TRDN: variants seen among roughly 807,000 people sequenced by gnomAD.
TRDN encodes triadin, also known as triadin in skeletal muscle.
TRDN carries 161 observed loss-of-function variants against 149.7 expected under a neutral mutation model. The ratio of observed to expected loss-of-function variants is 1.08; its 90% confidence interval spans 0.95 to 1.23. The LOEUF is 1.23. TRDN is among the 50% of genes most tolerant of loss of function. The pLI is 0.00. For synonymous variants in TRDN, 294 were observed against 250.5 expected, an observed-to-expected ratio of 1.17 and a Z score of -1.64; for missense variants, 896 against 823.5, an observed-to-expected ratio of 1.09 and a Z score of -1.08.
chr6:123,293,283 C>T (rs765771811), intron 24 of TRDN, among the ~76,000 whole-genome samples: 12 of 152,202 alleles, frequency 7.9e-5, no homozygotes, highest in Non-Finnish European at 1.3e-4. Context: ...CCCCACTTAA[C>T]GGATTATACC....
chr6:123,463,880 T>C (rs771399964), intron 10 of TRDN, among the ~76,000 whole-genome samples: 16 of 152,012 alleles, frequency 1.1e-4, no homozygotes, highest in Admixed American at 1.3e-4. Flanking sequence ...ATGAGTGTCA[T>C]CACTTAGGCT....
In TRDN at chr6:123,548,515, T is replaced by C; in HGVS notation, c.330A>G (p.Leu110=). The change falls in exon 3 of 41, where the codon TTA becomes TTG. Residue 110 remains leucine, a synonymous_variant. Coordinates refer to ENST00000334268, the MANE Select transcript of TRDN (RefSeq NM_006073.4). ...CATCTTCAGATGAGATGATGTCAGA[T>C]AACAAAGAAAAGAAGCCATAGATCC... ...TDWIYGFFSL[L]SDIISSEDEE... is the part of the protein sequence containing the mutation. The C allele has an allele frequency of 6.3e-7, 1 of 1,578,500 alleles. No homozygotes were observed. Among genetic ancestry groups the C allele is most frequent in the Middle Eastern group, 1.7e-4 (1 of 5,996 alleles).
intron 12 of TRDN, among the ~76,000 whole-genome samples, chr6:123,434,364 G>T (rs1774466425): frequency 6.6e-6 from 1 of 152,156 alleles, no homozygotes; most frequent in Admixed American, 6.6e-5. Context: ...AGCAGAAATG[G>T]TTTGGCAGAG....
intron 20 of TRDN, among the ~76,000 whole-genome samples, chr6:123,365,025 A>C (rs1254805688): frequency 6.6e-6 from 1 of 152,242 alleles, no homozygotes; most frequent in African/African-American, 2.4e-5. Context: ...TATAGTACAA[A>C]TGATGTCAAT....
chr6:123,550,434 A>G (rs1279556936), intron 2 of TRDN, among the ~76,000 whole-genome samples: 6 of 152,082 alleles, frequency 3.9e-5, no homozygotes, highest in East Asian at 1.9e-4. Flanking sequence ...AAGACTGAGA[A>G]TGGACCTTTG....
intron 38 of TRDN, among the ~76,000 whole-genome samples, chr6:123,250,770 C>T (rs1274098570): frequency 7.2e-5 from 11 of 151,950 alleles, no homozygotes; most frequent in Admixed American, 7.2e-4. Flanking sequence ...TTAGGTGTCC[C>T]AATAATTCCT....
At chr6:123,507,689 G>A (rs1284172129) in intron 7 of TRDN, among the ~76,000 whole-genome samples, 2 of 151,918 alleles carry the variant, frequency 1.3e-5, no homozygotes, top group African/African-American at 2.4e-5. Flanking sequence ...TATTGCCATG[G>A]GTATTCAAAT....
At chr6:123,372,219 T>C (rs371939896) in intron 19 of TRDN, among the ~76,000 whole-genome samples, 9 of 152,144 alleles carry the variant, frequency 5.9e-5, no homozygotes, top group African/African-American at 2.2e-4. Flanking sequence ...CTCCAAATAT[T>C]CTTCTAACAT....
At chr6:123,346,461 A>T (rs1780249696) in intron 21 of TRDN, among the ~76,000 whole-genome samples, 1 of 151,938 alleles carries the variant, frequency 6.6e-6, no homozygotes, top group South Asian at 2.1e-4. Context: ...CACTAACTGT[A>T]TTGTAATCTT....
At chr6:123,461,803 C>G (rs1293584540) in intron 10 of TRDN, among the ~76,000 whole-genome samples, 1 of 152,062 alleles carries the variant, frequency 6.6e-6, no homozygotes, top group African/African-American at 2.4e-5. Flanking sequence ...ATGCTAAGAG[C>G]TAAAATCACC....
intron 14 of TRDN, among the ~76,000 whole-genome samples, chr6:123,384,048 G>A (rs1472620207): frequency 6.6e-6 from 1 of 152,180 alleles, no homozygotes; most frequent in East Asian, 1.9e-4. Context: ...TTGTCATCAG[G>A]AATTTTAAAT....
intron 24 of TRDN, among the ~76,000 whole-genome samples, chr6:123,315,154 A>G (rs2114696933): frequency 6.6e-6 from 1 of 152,124 alleles, no homozygotes; most frequent in South Asian, 2.1e-4. Flanking sequence ...GGACAACATA[A>G]TGCACCTTTT....
intron 10 of TRDN, among the ~76,000 whole-genome samples, chr6:123,444,175 T>C (rs1367768806): frequency 1.1e-4 from 16 of 143,476 alleles, no homozygotes; most frequent in Admixed American, 2.0e-4. Flanking sequence ...TTCCATTTGT[T>C]TGTATCCTCT....
intron 12 of TRDN, among the ~76,000 whole-genome samples, chr6:123,419,744 T>C (rs1773815081): frequency 1.3e-5 from 2 of 152,206 alleles, no homozygotes; most frequent in African/African-American, 4.8e-5. Context: ...ATTATGTCAA[T>C]GCTACAGGAG....
intron 9 of TRDN, among the ~76,000 whole-genome samples, chr6:123,482,796 C>T (rs1048715871): frequency 6.6e-6 from 1 of 152,060 alleles, no homozygotes; most frequent in African/African-American, 2.4e-5. Context: ...AACAAGAGCT[C>T]ATTACCCAAA....
At chr6:123,456,167 G>A (rs1450461797) in intron 10 of TRDN, among the ~76,000 whole-genome samples, 1 of 152,066 alleles carries the variant, frequency 6.6e-6, no homozygotes, top group Non-Finnish European at 1.5e-5. Context: ...TAGTATATGG[G>A]ACACATGTGT....
intron 10 of TRDN, among the ~76,000 whole-genome samples, chr6:123,446,885 A>G (rs1775410456): frequency 6.6e-6 from 1 of 151,820 alleles, no homozygotes; most frequent in African/African-American, 2.4e-5. Context: ...TAGGGAAAAA[A>G]ATAATTCAGA....
At chr6:123,586,210 G>T (rs1282864018) in intron 1 of TRDN, among the ~76,000 whole-genome samples, 1 of 152,114 alleles carries the variant, frequency 6.6e-6, no homozygotes, top group Non-Finnish European at 1.5e-5. Context: ...AGAGTAAATT[G>T]CTGGGCAGGT....
chr6:123,404,444 G>A (rs1773110413), intron 12 of TRDN, among the ~76,000 whole-genome samples: 1 of 151,716 alleles, frequency 6.6e-6, no homozygotes, highest in Non-Finnish European at 1.5e-5. Context: ...TGTAATGTGT[G>A]GTGAACTATT....
Sources: gnomAD v4.1 joint callset for allele counts (sites outside exome capture counted in the v4.1 genomes callset) on GRCh38, gnomAD v4.1.1 for gene constraint, MANE v1.5 for transcripts, NCBI Gene and HGNC (gene_info 2026-07-23, HGNC 2026-07-21) for gene names.